NCOR1: variants seen among roughly 807,000 people sequenced by gnomAD.
The protein encoded by NCOR1 is protein phosphatase 1, regulatory subunit 109.
In NCOR1, 63 loss-of-function variants were observed where a neutral mutation model predicts 288.1. That is an observed-to-expected ratio of 0.22 (90% CI 0.18 to 0.27). The LOEUF (loss-of-function observed/expected upper bound fraction) is 0.27. NCOR1 is among the 10% of genes least tolerant of loss of function. The probability of loss-of-function intolerance (pLI) is 1.00; values close to 1 mark genes in which losing one functional copy is unlikely to be tolerated. For synonymous variants in NCOR1, 1,007 were observed against 1,065.9 expected, an observed-to-expected ratio of 0.94 and a Z score of 1.08; for missense variants, 2,397 against 3,019.2, an observed-to-expected ratio of 0.79 and a Z score of 4.83.
chr17:16,181,207 A>ATGTGTGTGTGTGTGTGTGTG (rs1422388328), intron 3 of NCOR1, among the ~76,000 whole-genome samples: 2 of 85,810 alleles, frequency 2.3e-5, no homozygotes, highest in East Asian at 5.5e-4. Context: ...ATACATATAT[A>ATGTGTGTGTGTGTGTGTGTG]TGTATGTGTG....
At chr17:16,206,412 G>A (rs1375170246) in intron 1 of NCOR1, among the ~76,000 whole-genome samples, 5 of 151,524 alleles carry the variant, frequency 3.3e-5, no homozygotes, top group African/African-American at 1.2e-4. Context: ...TTGAAACGGA[G>A]TCTCACTCTG....
intron 19 of NCOR1, among the ~76,000 whole-genome samples, chr17:16,104,285 A>T (rs889593107): frequency 3.9e-5 from 6 of 152,224 alleles, no homozygotes; most frequent in Non-Finnish European, 4.4e-5. Flanking sequence ...GGAAAAAAAA[A>T]TATTTTTTAA....
chr17:16,119,559 T>TA lies in NCOR1; in HGVS notation c.1853-75dup, dbSNP rs2072542859. On this transcript the variant is annotated intron_variant, in intron 16 of 45. Coordinates refer to ENST00000268712, the MANE Select transcript of NCOR1 (RefSeq NM_006311.4). ...CCTTTATTCAAACCAATCATATAAT[T>TA]ATATCTCTTTATCTGACATAAAAGA... The TA allele has an allele frequency of 2.1e-5, 21 of 983,010 alleles. No homozygotes were observed. In the South Asian group the frequency reaches 3.4e-4, roughly 16 times the overall value. 60.9% of individuals were successfully genotyped at this position (983,010 alleles called of 1,614,324 possible).
At chr17:16,102,005 T>C (rs1218979933) in intron 19 of NCOR1, among the ~76,000 whole-genome samples, 1 of 152,154 alleles carries the variant, frequency 6.6e-6, no homozygotes, top group Non-Finnish European at 1.5e-5. Flanking sequence ...CTTCTGAAAC[T>C]AAAAGCATAA....
chr17:16,071,377 G>A (rs761386390), intron 30 of NCOR1, 32 bp downstream of exon 30: 2 of 1,596,252 alleles, frequency 1.3e-6, no homozygotes, highest in Admixed American at 1.8e-5. Context: ...ATAAATATCA[G>A]TTACTGACAA....
At chr17:16,127,746 G>T (rs987259626) in intron 14 of NCOR1, among the ~76,000 whole-genome samples, 43 of 99,292 alleles carry the variant, frequency 4.3e-4, no homozygotes, top group Non-Finnish European at 8.6e-4. Context: ...TATGTGTGGA[G>T]ATATATATAT....
chr17:16,213,467 G>A (rs2092316031), intron 1 of NCOR1, among the ~76,000 whole-genome samples: 1 of 129,970 alleles, frequency 7.7e-6, no homozygotes, highest in South Asian at 2.4e-4. Flanking sequence ...ACTCCAGCCT[G>A]GGTGACAGAG....
Position 16,151,920 on chromosome 17 carries a change from G to GAAGA in NCOR1, c.842+25_842+26insTCTT, listed in dbSNP as rs747024092. The GAAGA allele has an allele frequency of 9.0e-6, 14 of 1,549,040 alleles. No individual in the cohort carries two copies. The Middle Eastern group carries it at 8.4e-4, about 93-fold the overall frequency. Reference sequence around the variant, plus strand: ...ATAGAATATACGGTCTTTAATTGAAGAACTCCAAAGATGATCAATACTTAC... The same window carrying GAAGA: ...ATAGAATATACGGTCTTTAATTGAAGAAGAAACTCCAAAGATGATCAATACTTAC... On this transcript the variant is annotated intron_variant, in intron 8 of 45. Transcript: ENST00000268712.
intron 26 of NCOR1, among the ~76,000 whole-genome samples, chr17:16,079,695 A>G (rs1192433417): frequency 2.0e-5 from 3 of 152,250 alleles, no homozygotes; most frequent in Non-Finnish European, 1.5e-5. Context: ...CAGGAAGACA[A>G]TAAGAGCTGC....
Position 16,070,504 on chromosome 17 carries a change from T to G in NCOR1, c.4174A>C (p.Asn1392His). 1.2e-6 allele frequency: 2 copies of G among 1,614,072 alleles called. No homozygotes were observed. The highest frequency in any genetic ancestry group is 1.7e-6 in the Non-Finnish European group (2 of 1,179,928). ...ISQGTPIKFD[N>H]NSGQSAIKHN... ...TTGATGGCAGATTGACCTGAGTTGT[T>G]GTCAAACTTTATTGGTGTGCCCTAA... The change falls in exon 31 of 46, where the codon AAC (asparagine) becomes CAC (histidine). Residue 1392 changes from asparagine to histidine, a missense_variant. Transcript: ENST00000268712.
In NCOR1 at chr17:16,208,206, A is replaced by ATTTTTTTTTTT. The variant is rs757019446; in HGVS notation, c.-71+7145_-71+7155dup. On this transcript the variant is annotated intron_variant, in intron 1 of 45. Coordinates refer to ENST00000268712, the MANE Select transcript of NCOR1 (RefSeq NM_006311.4). ...CAGGCGCGTGCCACCATGCCCAGCT[A>ATTTTTTTTTTT]TTTTTTTTTTTTTTTTTTTTTTTTT... 4.9e-3 allele frequency among the ~76,000 whole-genome samples: 321 copies of ATTTTTTTTTTT among 65,554 alleles called. 2 individuals are homozygous for ATTTTTTTTTTT. Among genetic ancestry groups the ATTTTTTTTTTT allele is most frequent in the African/African-American group, 9.6e-3 (157 of 16,398 alleles). The allele number at this position is 65,554 out of a possible 152,430, so 43.0% of individuals were successfully genotyped here. A position where few individuals can be genotyped will look rare whatever the true frequency, so the allele number is the denominator to read the frequency against.
intron 15 of NCOR1, 57 bp downstream of exon 15, chr17:16,126,025 T>A: frequency 2.2e-6 from 2 of 921,764 alleles, no homozygotes; most frequent in Non-Finnish European, 3.1e-6. Flanking sequence ...TCTACAAAAA[T>A]AAAAATAAAA....
At chr17:16,199,243 ACT>A (rs1491460150) in intron 1 of NCOR1, among the ~76,000 whole-genome samples, 4 of 143,776 alleles carry the variant, frequency 2.8e-5, no homozygotes, top group Non-Finnish European at 4.6e-5. Context: ...ACACACACAC[ACT>A]AGCAAAATCA....
chr17:16,212,711 T>C (rs1296811167), intron 1 of NCOR1, among the ~76,000 whole-genome samples: 1 of 152,206 alleles, frequency 6.6e-6, no homozygotes, highest in Admixed American at 6.5e-5. Context: ...CCAAAGGCCT[T>C]TGCCTTCTAC....
At position 16,075,640 on chromosome 17, in the gene NCOR1, C is replaced by A. The variant is rs144012103; in HGVS notation, c.3564G>T (p.Ser1188=). ...GACTGCTGTCTTCAATGGGCATTCT[C>A]GAAATGGACCCCTTCACCAAAGCCT... ...PTEALVKGSI[S]RMPIEDSSPE... Residue 1188 remains serine (S), a synonymous_variant, in exon 27 of 46, where the codon TCG becomes TCT. Transcript: ENST00000268712. 1.2e-6 allele frequency: 2 copies of A among 1,614,198 alleles called. No homozygotes were observed. The highest frequency in any genetic ancestry group is 3.3e-5 in the Admixed American group (2 of 60,022).
intron 20 of NCOR1, among the ~76,000 whole-genome samples, chr17:16,099,126 C>T (rs962576948): frequency 1.3e-5 from 2 of 152,182 alleles, no homozygotes; most frequent in African/African-American, 2.4e-5. Context: ...CCAACAGCAG[C>T]GACCTGCCAT....
intron 1 of NCOR1, among the ~76,000 whole-genome samples, chr17:16,210,674 A>C (rs899301096): frequency 5.3e-5 from 8 of 152,242 alleles, no homozygotes; most frequent in Admixed American, 5.2e-4. Flanking sequence ...AAGTATCTTA[A>C]ATTCAATACC....
chr17:16,184,786 T>A (rs1006312757), intron 3 of NCOR1, among the ~76,000 whole-genome samples: 8 of 152,048 alleles, frequency 5.3e-5, no homozygotes, highest in Non-Finnish European at 1.2e-4. Flanking sequence ...AGCTAATTAT[T>A]CACAATAGCC....
chr17:16,123,970 T>G (rs80098509), intron 15 of NCOR1, among the ~76,000 whole-genome samples: 2,744 of 152,320 alleles, frequency 0.018, 86 homozygotes, highest in African/African-American at 0.062. Flanking sequence ...TGTTAAATAG[T>G]TTAGAAATTT....
Sources: allele counts gnomAD v4.1 joint callset (sites outside exome capture counted in the v4.1 genomes callset), GRCh38; gene constraint gnomAD v4.1.1; transcripts MANE v1.5; gene names NCBI Gene and HGNC (gene_info 2026-07-23, HGNC 2026-07-21).